TULP4: variants seen among roughly 807,000 people sequenced by gnomAD.
TULP4 encodes TUB like protein 4.
Under a neutral mutation model 129.0 loss-of-function variants are expected in TULP4, and 16 were observed. The ratio of observed to expected loss-of-function variants is 0.12; its 90% CI spans 0.08 to 0.19. TULP4 has a LOEUF of 0.19. TULP4 is among the 10% of genes least tolerant of loss of function. The pLI is 1.00. For missense variants in TULP4, 1,842 were observed against 2,059.1 expected, an observed-to-expected ratio of 0.89 and a Z score of 2.04; for synonymous variants, 998 against 854.0, an observed-to-expected ratio of 1.17 and a Z score of -2.94.
rs1562523161 is a variant in TULP4, at chr6:158,331,728, C to CGTATATAT, written c.252+17460_252+17461insGTATATAT. Among the ~76,000 whole-genome samples the CGTATATAT allele has an allele frequency of 3.1e-3, 118 of 37,594 alleles. 25 individuals are homozygous for CGTATATAT. Among genetic ancestry groups the CGTATATAT allele is most frequent in the Non-Finnish European group, 4.4e-3 (81 of 18,534 alleles). The allele number at this position is 37,594 out of a possible 152,430, so 24.7% of individuals were successfully genotyped here. ...ACACACACACACACACACACACACA[C>CGTATATAT]ATACGTATATATATACGTGTATATA... On this transcript the variant is annotated intron_variant, in intron 1 of 13. Coordinates refer to ENST00000367097, the MANE Select transcript of TULP4 (RefSeq NM_020245.5).
chr6:158,438,713 T>C (rs1373489157), intron 3 of TULP4, among the ~76,000 whole-genome samples: 5 of 151,884 alleles, frequency 3.3e-5, no homozygotes, highest in African/African-American at 1.2e-4. Context: ...GCCTCCTGAG[T>C]AGCTGGGATT....
intron 1 of TULP4, among the ~76,000 whole-genome samples, chr6:158,336,587 A>G (rs1780039349): frequency 6.6e-6 from 1 of 152,222 alleles, no homozygotes; most frequent in Non-Finnish European, 1.5e-5. Context: ...AAGAAAATCA[A>G]CATGTATTTT....
At chr6:158,433,083 T>C (rs1378967912) in intron 3 of TULP4, among the ~76,000 whole-genome samples, 1 of 152,186 alleles carries the variant, frequency 6.6e-6, no homozygotes, top group Non-Finnish European at 1.5e-5. Context: ...CAGGATCCAG[T>C]TTAATTCATG....
intron 1 of TULP4, among the ~76,000 whole-genome samples, chr6:158,253,438 G>A (rs1778181879): frequency 6.6e-6 from 1 of 152,188 alleles, no homozygotes; most frequent in Admixed American, 6.5e-5. Flanking sequence ...AAAACTAAGA[G>A]ATGGAGAGGG....
At chr6:158,298,148 A>G (rs1194266339) in intron 1 of TULP4, among the ~76,000 whole-genome samples, 5 of 152,144 alleles carry the variant, frequency 3.3e-5, no homozygotes, top group Admixed American at 3.3e-4. Flanking sequence ...GTCAGACCTT[A>G]TGGTTGTCTT....
At position 158,350,829 on chromosome 6, in the gene TULP4, C is replaced by T. The variant is rs144031506; in HGVS notation, c.252+36561C>T. ...AGGCTGGAGTGAAGTGGTGCAATCT[C>T]GGCTCACTGCAGCCTCCGCCTCCCG... On this transcript the variant is annotated intron_variant, in intron 1 of 13. Coordinates refer to ENST00000367097, the MANE Select transcript of TULP4 (RefSeq NM_020245.5). Among the ~76,000 whole-genome samples the T allele has an allele frequency of 5.6e-3, 853 of 151,600 alleles. 6 individuals are homozygous for T. The highest frequency in any genetic ancestry group is 0.019 in the African/African-American group (764 of 41,276).
chr6:158,378,142 T>C (rs1242038075), intron 1 of TULP4, among the ~76,000 whole-genome samples: 1 of 152,152 alleles, frequency 6.6e-6, no homozygotes, highest in African/African-American at 2.4e-5. Flanking sequence ...CATTAAGTTC[T>C]CTGAAGGCCT....
At position 158,290,836 on chromosome 6, in the gene TULP4, C is replaced by T. The variant is rs1328502052; in HGVS notation, n.116+8458C>T. On this transcript the variant is annotated intron_variant and non_coding_transcript_variant, in intron 1 of 1. Transcript: ENST00000432358. Reference sequence around the variant, plus strand: ...TTCCCCCCCACATTTGTCATAGACACAGTCTAGTGGTTAAGCACATAAACT... The same window carrying T: ...TTCCCCCCCACATTTGTCATAGACATAGTCTAGTGGTTAAGCACATAAACT... Among the ~76,000 whole-genome samples the T allele has an allele frequency of 2.6e-5, 4 of 152,254 alleles. No individual in the cohort carries two copies. In the East Asian group the frequency reaches 7.7e-4, roughly 29 times the overall value.
At chr6:158,301,154 A>G (rs1280247027) in intron 1 of TULP4, among the ~76,000 whole-genome samples, 1 of 152,266 alleles carries the variant, frequency 6.6e-6, no homozygotes. Context: ...CATGTACAAC[A>G]TAAGCAGAAT....
chr6:158,317,095 G>A (rs1413015118), intron 1 of TULP4, among the ~76,000 whole-genome samples: 1 of 152,212 alleles, frequency 6.6e-6, no homozygotes, highest in African/African-American at 2.4e-5. Context: ...TACCACAAAA[G>A]AGAAGATTCC....
At chr6:158,266,634 C>T (rs967045702) in intron 1 of TULP4, among the ~76,000 whole-genome samples, 1 of 151,782 alleles carries the variant, frequency 6.6e-6, no homozygotes, top group African/African-American at 2.4e-5. Flanking sequence ...GGACTGAAAA[C>T]GTTCAAAGAA....
chr6:158,496,908 C>T (rs982925415), intron 11 of TULP4, among the ~76,000 whole-genome samples: 2 of 152,140 alleles, frequency 1.3e-5, no homozygotes, highest in African/African-American at 4.8e-5. Flanking sequence ...AGTGCAGTGG[C>T]GCCACCACAG....
chr6:158,411,841 T>TTC (rs1778107660), intron 1 of TULP4, among the ~76,000 whole-genome samples: 1 of 152,146 alleles, frequency 6.6e-6, no homozygotes, highest in Non-Finnish European at 1.5e-5. Context: ...GGACAGAGGG[T>TTC]GTGAGGAGGG....
intron 3 of TULP4, among the ~76,000 whole-genome samples, chr6:158,443,933 T>G (rs746704182): frequency 7.9e-5 from 12 of 152,064 alleles, no homozygotes; most frequent in Non-Finnish European, 1.6e-4. Context: ...CTTAAAAAAT[T>G]TTTTGGCCGG....
chr6:158,295,522 C>T (rs79774778), intron 1 of TULP4, among the ~76,000 whole-genome samples: 10,058 of 151,822 alleles, frequency 0.066, 509 homozygotes, highest in African/African-American at 0.14. Context: ...CATACAGAAG[C>T]ATATGTTATA....
At chr6:158,466,996 C>T (rs1295591165) in intron 6 of TULP4, among the ~76,000 whole-genome samples, 1 of 152,052 alleles carries the variant, frequency 6.6e-6, no homozygotes. Context: ...CTGTATAGAC[C>T]CACCTGCTTA....
chr6:158,301,853 C>T (rs943716150), intron 1 of TULP4, among the ~76,000 whole-genome samples: 8 of 146,454 alleles, frequency 5.5e-5, no homozygotes, highest in African/African-American at 1.3e-4. Flanking sequence ...AGTTAGATGG[C>T]GCGTATGTTG....
At chr6:158,359,655 C>T (rs1376104086) in intron 1 of TULP4, among the ~76,000 whole-genome samples, 2 of 152,078 alleles carry the variant, frequency 1.3e-5, no homozygotes, top group Non-Finnish European at 2.9e-5. Flanking sequence ...TCTGCCTCTC[C>T]GAGTCCACTG....
intron 12 of TULP4, among the ~76,000 whole-genome samples, chr6:158,500,150 T>C (rs1489474320): frequency 6.6e-6 from 1 of 152,192 alleles, no homozygotes; most frequent in Non-Finnish European, 1.5e-5. Context: ...GTTGCTGCAG[T>C]TGTCGTTATT....
Sources: gnomAD v4.1 joint callset for allele counts (sites outside exome capture counted in the v4.1 genomes callset) on GRCh38, gnomAD v4.1.1 for gene constraint, MANE v1.5 for transcripts, NCBI Gene and HGNC (gene_info 2026-07-23, HGNC 2026-07-21) for gene names.